TIE1: variants seen among roughly 807,000 people sequenced by gnomAD.
TIE1 encodes the protein tyrosine-protein kinase receptor Tie-1.
In TIE1, 89 loss-of-function variants were observed where a neutral mutation model predicts 130.5. That is an observed-to-expected ratio of 0.68 (90% confidence interval 0.57 to 0.81). The LOEUF (loss-of-function observed/expected upper bound fraction) is 0.81. Ranked by LOEUF, TIE1 falls within the 40% of genes least tolerant of loss-of-function variation. The pLI is 0.00. For synonymous variants in TIE1, 568 were observed against 629.4 expected (o/e 0.90, Z 1.46); for missense variants, 1,392 against 1,559.8 (o/e 0.89, Z 1.81).
rs1312940677 is a variant in TIE1 at position 43,317,435 on chromosome 1, G to C, written c.2620+26G>C. The C allele has an allele frequency of 6.2e-7, 1 of 1,613,596 alleles. No individual in the cohort carries two copies. The highest frequency in any genetic ancestry group is 1.3e-5 in the African/African-American group (1 of 74,890). ...GTCCACTGGGGCGACCCCTGGCCCA[G>C]CCCTGATGCTCTCCTTTGTCCCACA... On this transcript the variant is annotated intron_variant, in intron 15 of 22. Transcript: ENST00000372476. The surrounding 1 kb of genome is among the most constrained non-coding windows in gnomAD (Gnocchi z 5.1).
Position 43,312,681 on chromosome 1 carries a change from G to C in TIE1, c.1927+80G>C. The C allele has an allele frequency of 6.8e-7, 1 of 1,465,872 alleles. No homozygotes were observed. The highest frequency in any genetic ancestry group is 9.2e-7 in the Non-Finnish European group (1 of 1,090,768). 90.8% of individuals were successfully genotyped at this position (1,465,872 alleles called of 1,614,324 possible). A position where few individuals can be genotyped will look rare whatever the true frequency, so the allele number is the denominator to read the frequency against. On this transcript the variant is annotated intron_variant, in intron 12 of 22. Coordinates refer to ENST00000372476, the MANE Select transcript of TIE1 (RefSeq NM_005424.5). The surrounding 1 kb of genome is among the most constrained non-coding windows in gnomAD (Gnocchi z 5.6). ...GACACATGAGACCTAGGAGACACGGGAGGCTGTAGGAGATTAATGGACATG... is the reference window on the plus strand; with the variant it reads ...GACACATGAGACCTAGGAGACACGGCAGGCTGTAGGAGATTAATGGACATG...
At position 43,317,267 on chromosome 1, in the gene TIE1, C is replaced by T. The variant is rs767622607; in HGVS notation, c.2478C>T (p.Pro826=). ...TTACCCGGCGGCCAAAACTGCAGCC[C>T]GAGCCCCTGAGCTACCCAGTGCTAG... ...LTLTRRPKLQ[P]EPLSYPVLEW... The change falls in exon 15 of 23, where the codon CCC becomes CCT. Residue 826 remains proline, a synonymous_variant. Transcript: ENST00000372476. This position sits in a 1 kb window ranked among gnomAD's most constrained non-coding sequence, Gnocchi z 5.1. The T allele has an allele frequency of 1.4e-5, 23 of 1,614,062 alleles. No individual in the cohort carries two copies. Among genetic ancestry groups the T allele is most frequent in the South Asian group, 5.5e-5 (5 of 91,094 alleles).
chr1:43,304,833 C>A lies in TIE1; in HGVS notation c.59-18C>A, dbSNP rs1382328672. The A allele has an allele frequency of 7.1e-7, 1 of 1,414,844 alleles. No individual in the cohort carries two copies. The highest frequency in any genetic ancestry group is 1.5e-5 in the South Asian group (1 of 65,026). The allele number at this position is 1,414,844 out of a possible 1,614,324, so 87.6% of individuals were successfully genotyped here. A position where few individuals can be genotyped will look rare whatever the true frequency, so the allele number is the denominator to read the frequency against. ...GTTGGCTGGGACTACAATAGAGTCA[C>A]TGGTGTCCTGGCCCCAGGCGCGGCG... On this transcript the variant is annotated intron_variant, in intron 1 of 22. Transcript: ENST00000372476.
Position 43,309,105 on chromosome 1 carries a change from C to T in TIE1, c.1162C>T (p.Arg388Cys), listed in dbSNP as rs368599151. ...CCCCGTGCGGGGCAGCATAGAGCTA[C>T]GCAAGCCAGACGGCACTGTGCTCCT... Reference protein sequence around the residue: ...PFPVRGSIELRKPDGTVLLST... With the variant: ...PFPVRGSIELCKPDGTVLLST... The change falls in exon 8 of 23, where the codon CGC becomes TGC. Residue 388 changes from arginine (R) to cysteine (C), a missense_variant. Physicochemically the swap from Arg to Cys is radical, Grantham distance 180. Coordinates refer to ENST00000372476, the MANE Select transcript of TIE1 (RefSeq NM_005424.5). This position sits in a 1 kb window ranked among gnomAD's most constrained non-coding sequence, Gnocchi z 6.3. The T allele has an allele frequency of 1.9e-5, 31 of 1,608,476 alleles. No individual in the cohort carries two copies. The highest frequency in any genetic ancestry group is 1.5e-4 in the South Asian group (14 of 90,522).
Position 43,313,345 on chromosome 1 carries a change from G to A in TIE1, c.2138G>A (p.Arg713His), listed in dbSNP as rs918280682. The change falls in exon 13 of 23, where the codon CGC (arginine) becomes CAC (histidine). Residue 713 changes from arginine to histidine, a missense_variant. By Grantham distance (29) the Arg-to-His change is conservative (BLOSUM62 0). Transcript: ENST00000372476. This position sits in a 1 kb window ranked among gnomAD's most constrained non-coding sequence, Gnocchi z 6.2. ...TIIRGLNASTRYLFRMRASIQ... is the reference protein window; with the variant it reads ...TIIRGLNASTHYLFRMRASIQ... The stretch of plus-strand genomic sequence containing the variant: ...ATCCGTGGCCTCAACGCCAGCACGC[G>A]CTACCTCTTCCGCATGCGGGCCAGC... The A allele has an allele frequency of 6.8e-6, 11 of 1,613,910 alleles. No individual in the cohort carries two copies. Among genetic ancestry groups the A allele is most frequent in the Non-Finnish European group, 7.6e-6 (9 of 1,179,960 alleles).
chr1:43,306,834 C>A lies in TIE1; in HGVS notation c.485-6C>A, dbSNP rs146756919. The A allele has an allele frequency of 7.5e-4, 1,203 of 1,605,728 alleles. 24 individuals are homozygous for A. In the East Asian group the frequency reaches 0.017, roughly 23 times the overall value. On this transcript the variant is annotated splice_region_variant and splice_polypyrimidine_tract_variant and intron_variant, in intron 3 of 22. Transcript: ENST00000372476. This position sits in a 1 kb window ranked among gnomAD's most constrained non-coding sequence, Gnocchi z 4.9. ...CTGAGGCCCCTGACACATTCATGTC[C>A]CCCAGGATCCTACTTCTACACCCTG...
chr1:43,320,718 G>A (rs1349223413), intron 19 of TIE1: 4 of 152,286 alleles, frequency 2.6e-5, no homozygotes, highest in Non-Finnish European at 4.4e-5. Flanking sequence ...AGCCGGGCAT[G>A]GTGGCGGGCA....
At position 43,309,592 on chromosome 1, in the gene TIE1, G is replaced by T; in HGVS notation, c.1333+60G>T. ...GTGAGCAGAGTAGGCTCTAGATGAT[G>T]CTGCTCAGGCTGGAGATACTAGCAG... On this transcript the variant is annotated intron_variant, in intron 9 of 22. Coordinates refer to ENST00000372476, the MANE Select transcript of TIE1 (RefSeq NM_005424.5). The surrounding 1 kb of genome is among the most constrained non-coding windows in gnomAD (Gnocchi z 6.3). 6.6e-7 allele frequency: 1 copy of T among 1,505,598 alleles called. No homozygotes were observed. The allele number at this position is 1,505,598 out of a possible 1,614,324, so 93.3% of individuals were successfully genotyped here.
At position 43,318,855 on chromosome 1, in the gene TIE1, G is replaced by A. The variant is rs1183435083; in HGVS notation, c.2923-380G>A. ...AGTATGTTTGAAAGCAGAGGGGCAG[G>A]GGAAGGGGCCAGTGCAGAGGGAGGG... On this transcript the variant is annotated intron_variant, in intron 17 of 22. Coordinates refer to ENST00000372476, the MANE Select transcript of TIE1 (RefSeq NM_005424.5). This position sits in a 1 kb window ranked among gnomAD's most constrained non-coding sequence, Gnocchi z 4.4. 1.3e-5 allele frequency among the ~76,000 whole-genome samples: 2 copies of A among 152,104 alleles called. No individual in the cohort carries two copies. Among genetic ancestry groups the A allele is most frequent in the Non-Finnish European group, 2.9e-5 (2 of 68,018 alleles).
chr1:43,311,601 C>A, intron 9 of TIE1, 70 bp from the exon 10 acceptor site: 1 of 1,537,250 alleles, frequency 6.5e-7, no homozygotes, highest in Non-Finnish European at 8.8e-7. Context: ...GGGTCCCCAG[C>A]TTGAAACAAA....
Position 43,305,072 on chromosome 1 carries a change from T to C in TIE1, c.280T>C (p.Ser94Pro). ...GSHQVTLRGF[S>P]KPSDLVGVFS... ...GCACCAGGTCACGCTTCGCGGCTTC[T>C]CCAAGCCCTCGGACCTCGTGGGCGT... Residue 94 changes from serine to proline, a missense_variant, in exon 2 of 23, where the codon TCC becomes CCC. Ser to Pro is a moderately conservative substitution (Grantham distance 74, BLOSUM62 -1). Around this residue, in one of 6 missense-constraint regions of TIE1, gnomAD observed 415 missense variants for 424.8 expected, o/e 0.98. Coordinates refer to ENST00000372476, the MANE Select transcript of TIE1 (RefSeq NM_005424.5). 1 of 1,611,362 alleles carries C rather than the reference T, an allele frequency of 6.2e-7. No homozygotes were observed. The highest frequency in any genetic ancestry group is 8.5e-7 in the Non-Finnish European group (1 of 1,178,550).
At chr1:43,320,551 C>T (rs1226765745) in intron 19 of TIE1, 1 of 152,198 alleles carries the variant, frequency 6.6e-6, no homozygotes, top group South Asian at 2.1e-4. Context: ...GACCCTGTCT[C>T]TACTAAAAAT....
chr1:43,309,630 C>T lies in TIE1; in HGVS notation c.1333+98C>T. On this transcript the variant is annotated intron_variant, in intron 9 of 22. Coordinates refer to ENST00000372476, the MANE Select transcript of TIE1 (RefSeq NM_005424.5). The surrounding 1 kb of genome is among the most constrained non-coding windows in gnomAD (Gnocchi z 6.3). The stretch of plus-strand genomic sequence containing the variant: ...GAGATACTAGCAGGAAGGACAAGGA[C>T]ATCTAAGGTCATAGCCTAGCACCAG... 7.0e-7 allele frequency: 1 copy of T among 1,427,692 alleles called. No individual in the cohort carries two copies. Among genetic ancestry groups the T allele is most frequent in the Non-Finnish European group, 9.2e-7 (1 of 1,081,096 alleles). The allele number at this position is 1,427,692 out of a possible 1,614,324, so 88.4% of individuals were successfully genotyped here. A position where few individuals can be genotyped will look rare whatever the true frequency, so the allele number is the denominator to read the frequency against.
rs578158127 is a variant in TIE1, at chr1:43,321,164, C to T, written c.3108-105C>T. On this transcript the variant is annotated intron_variant, in intron 19 of 22. Transcript: ENST00000372476. ...CAAGGCCAGATACTTACAGAGTAGA[C>T]ACATACAGCGGGGCTGGGAGGCACT... 1.3e-5 allele frequency: 15 copies of T among 1,183,348 alleles called. No homozygotes were observed. The East Asian group carries it at 2.8e-4, about 22-fold the overall frequency. 73.3% of individuals were successfully genotyped at this position (1,183,348 alleles called of 1,614,324 possible). A position where few individuals can be genotyped will look rare whatever the true frequency, so the allele number is the denominator to read the frequency against.
chr1:43,301,731 T>C (rs1646672422), intron 1 of TIE1, among the ~76,000 whole-genome samples: 1 of 151,964 alleles, frequency 6.6e-6, no homozygotes, highest in Non-Finnish European at 1.5e-5. Flanking sequence ...TAGCCGGGCG[T>C]GGTGGCAGGA....
chr1:43,317,146 G>A lies in TIE1; in HGVS notation c.2410-53G>A, dbSNP rs528393090. 16 of 1,585,022 alleles carry A rather than the reference G, an allele frequency of 1.0e-5. No individual in the cohort carries two copies. The highest frequency in any genetic ancestry group is 8.9e-5 in the East Asian group (4 of 44,730). ...CGTGTGCCTGTCTGTGCCTCCTTCC[G>A]CCCCCTTTGACTCTTGCGTGGACCG... On this transcript the variant is annotated intron_variant, in intron 14 of 22. Transcript: ENST00000372476. The surrounding 1 kb of genome is among the most constrained non-coding windows in gnomAD (Gnocchi z 5.1).
chr1:43,313,060 G>C lies in TIE1; in HGVS notation c.1928-75G>C. 3 of 1,497,340 alleles carry C rather than the reference G, an allele frequency of 2.0e-6. No homozygotes were observed. Among genetic ancestry groups the C allele is most frequent in the African/African-American group, 1.4e-5 (1 of 72,078 alleles). 92.8% of individuals were successfully genotyped at this position (1,497,340 alleles called of 1,614,324 possible). Reference sequence around the variant, plus strand: ...ACCCACAGAGGAGGGAGCACAGCTAGAGCAGATGTGTCCAGCCCCACAGCT... The same window carrying C: ...ACCCACAGAGGAGGGAGCACAGCTACAGCAGATGTGTCCAGCCCCACAGCT... On this transcript the variant is annotated intron_variant, in intron 12 of 22. Coordinates refer to ENST00000372476, the MANE Select transcript of TIE1 (RefSeq NM_005424.5). The surrounding 1 kb of genome is among the most constrained non-coding windows in gnomAD (Gnocchi z 6.2).
rs2153912755 is a variant in TIE1, at chr1:43,317,892, T to C, written c.2742T>C (p.Tyr914=). The part of the protein sequence containing the change: ...LGACKNRGYL[Y]IAIEYAPYGN... ...CTCTTTGCCTCTCAGGTTACTTGTA[T>C]ATCGCTATTGAATATGCCCCCTACG... Residue 914 remains tyrosine, a synonymous_variant, in exon 17 of 23, where the codon TAT becomes TAC. Coordinates refer to ENST00000372476, the MANE Select transcript of TIE1 (RefSeq NM_005424.5). The surrounding 1 kb of genome is among the most constrained non-coding windows in gnomAD (Gnocchi z 5.1). The C allele has an allele frequency of 2.5e-6, 4 of 1,614,116 alleles. No individual in the cohort carries two copies. In the East Asian group the frequency reaches 8.9e-5, roughly 36 times the overall value.
chr1:43,321,366 G>A, intron 20 of TIE1, 30 bp from the exon 21 acceptor site: 5 of 1,613,682 alleles, frequency 3.1e-6, no homozygotes, highest in Non-Finnish European at 4.2e-6. Flanking sequence ...GTGGAGCCCT[G>A]GACCGAGAGC....
Sources: gnomAD v4.1 joint callset for allele counts (sites outside exome capture counted in the v4.1 genomes callset) on GRCh38, gnomAD v4.1.1 for gene constraint, gnomAD v4.1.1 regional missense constraint, Gnocchi (gnomAD v3.1) non-coding constraint, MANE v1.5 for transcripts, NCBI Gene and HGNC (gene_info 2026-07-23, HGNC 2026-07-21) for gene names.